JPH2: variants seen among roughly 807,000 people sequenced by gnomAD.
The protein encoded by JPH2 is junctophilin 2.
A neutral mutation model predicts 55.9 loss-of-function variants in JPH2; 38 were observed. The ratio of observed to expected loss-of-function variants is 0.68; its 90% CI spans 0.52 to 0.89. The LOEUF (loss-of-function observed/expected upper bound fraction) is 0.89, where lower values mean the gene tolerates loss of function less well. JPH2 is among the 40% of genes least tolerant of loss of function. The pLI, the probability that JPH2 is intolerant of heterozygous loss-of-function variation, is 0.00. For synonymous variants in JPH2, 480 were observed against 472.4 expected (o/e 1.02, Z -0.21); for missense variants, 964 against 1,037.6 (o/e 0.93, Z 0.97).
At chr20:44,138,903 C>T (rs1445114730) in intron 2 of JPH2, among the ~76,000 whole-genome samples, 6 of 152,148 alleles carry the variant, frequency 3.9e-5, no homozygotes, top group African/African-American at 7.2e-5. Context: ...CATGTGGACA[C>T]GGCGCGGCTC....
rs752359114 is a variant in JPH2 at position 44,115,866 on chromosome 20, C to T, written c.1809G>A (p.Pro603=). Residue 603 remains proline (P), a synonymous_variant, in exon 4 of 6, where the codon CCG becomes CCA. Transcript: ENST00000372980. ...GGCCTCGGAGCGTGGGGGCCTGCAG[C>T]GGGGCGGTGGCCGGGGACGAGGGCG... ...ESAPSSPATA[P]LQAPTLRGPE... is the part of the protein sequence containing the mutation. 44 of 1,585,434 alleles carry T rather than the reference C, an allele frequency of 2.8e-5. No individual in the cohort carries two copies. The highest frequency in any genetic ancestry group is 4.5e-5 in the East Asian group (2 of 44,400).
chr20:44,159,542 C>A lies in JPH2; in HGVS notation c.1169+76G>T. ...AGCAGAATCAGGCTTGGAGACAGGG[C>A]CTCCTAGGTTGCCCTGCCCCAGGAC... On this transcript the variant is annotated intron_variant, in intron 2 of 5. Coordinates refer to ENST00000372980, the MANE Select transcript of JPH2 (RefSeq NM_020433.5). This position sits in a 1 kb window ranked among gnomAD's most constrained non-coding sequence, Gnocchi z 5.7. 7.0e-7 allele frequency: 1 copy of A among 1,421,894 alleles called. No homozygotes were observed. The highest frequency in any genetic ancestry group is 9.6e-7 in the Non-Finnish European group (1 of 1,041,672). The allele number at this position is 1,421,894 out of a possible 1,614,324, so 88.1% of individuals were successfully genotyped here. A position where few individuals can be genotyped will look rare whatever the true frequency, so the allele number is the denominator to read the frequency against.
In JPH2 at chr20:44,159,807, C is replaced by T. The variant is rs1237033177; in HGVS notation, c.980G>A (p.Gly327Asp). Residue 327 changes from glycine (G) to aspartate (D), a missense_variant, in exon 2 of 6, where the codon GGC (glycine) becomes GAC (aspartate). By Grantham distance (94) the Gly-to-Asp change is moderately conservative (BLOSUM62 -1). Coordinates refer to ENST00000372980, the MANE Select transcript of JPH2 (RefSeq NM_020433.5). The surrounding 1 kb of genome is among the most constrained non-coding windows in gnomAD (Gnocchi z 5.7). ...GTGGCCGTCGGGCAGCGTGGTGCAG[C>T]CATAGCCGTGGCGCAGGTTGTCCAG... ...EWLDNLRHGYGCTTLPDGHRE... is the reference protein window; with the variant it reads ...EWLDNLRHGYDCTTLPDGHRE... 1.2e-6 allele frequency: 2 copies of T among 1,613,334 alleles called. No individual in the cohort carries two copies. The highest frequency in any genetic ancestry group is 1.7e-6 in the Non-Finnish European group (2 of 1,179,894).
At chr20:44,176,318 C>CTTTT (rs58088590) in intron 1 of JPH2, among the ~76,000 whole-genome samples, 11 of 113,652 alleles carry the variant, frequency 9.7e-5, no homozygotes, top group Admixed American at 1.9e-4. Flanking sequence ...TCCTATCTGT[C>CTTTT]TTTTTTTTTT....
chr20:44,147,917 CTT>C lies in JPH2; in HGVS notation c.1169+11699_1169+11700del, dbSNP rs2072503783. On this transcript the variant is annotated intron_variant, in intron 2 of 5. Coordinates refer to ENST00000372980, the MANE Select transcript of JPH2 (RefSeq NM_020433.5). ...GTGGCTCATGCCTGTAATTCCAGCA[CTT>C]TGGGAGGCCGAGGCGGGTGGATCAT... 2.0e-5 allele frequency among the ~76,000 whole-genome samples: 3 copies of C among 152,150 alleles called. No homozygotes were observed. The South Asian group carries it at 6.2e-4, about 32-fold the overall frequency.
Position 44,134,206 on chromosome 20 carries a change from AATAT to A in JPH2, c.1170-15587_1170-15584del, listed in dbSNP as rs1349219741. The stretch of plus-strand genomic sequence containing the variant: ...TATAAATATTTATTATAAATATATA[AATAT>A]ATATTTATTATAAATATATATAAAT... On this transcript the variant is annotated intron_variant, in intron 2 of 5. Coordinates refer to ENST00000372980, the MANE Select transcript of JPH2 (RefSeq NM_020433.5). Among the ~76,000 whole-genome samples the A allele has an allele frequency of 3.4e-3, 62 of 18,470 alleles. 19 individuals carry two copies. Among genetic ancestry groups the A allele is most frequent in the African/African-American group, 0.014 (53 of 3,686 alleles). 12.1% of individuals were successfully genotyped at this position (18,470 alleles called of 152,430 possible). A position where few individuals can be genotyped will look rare whatever the true frequency, so the allele number is the denominator to read the frequency against.
rs1285623082 is a variant in JPH2, at chr20:44,160,811, A to G, written c.380-404T>C. 6.6e-6 allele frequency among the ~76,000 whole-genome samples: 1 copy of G among 152,198 alleles called. No individual in the cohort carries two copies. Among genetic ancestry groups the G allele is most frequent in the Non-Finnish European group, 1.5e-5 (1 of 68,038 alleles). On this transcript the variant is annotated intron_variant, in intron 1 of 5. Coordinates refer to ENST00000372980, the MANE Select transcript of JPH2 (RefSeq NM_020433.5). The surrounding 1 kb of genome is among the most constrained non-coding windows in gnomAD (Gnocchi z 4.9). ...CTATATGAGATCATGAGGTGGGGGCAGGTGGCTCACGCCTGTAATCCCAGC... is the reference window on the plus strand; with the variant it reads ...CTATATGAGATCATGAGGTGGGGGCGGGTGGCTCACGCCTGTAATCCCAGC...
At chr20:44,150,768 G>A (rs2072525368) in intron 2 of JPH2, among the ~76,000 whole-genome samples, 1 of 152,228 alleles carries the variant, frequency 6.6e-6, no homozygotes, top group African/African-American at 2.4e-5. Flanking sequence ...GCTCATGCCT[G>A]TAATCCCAGC....
intron 2 of JPH2, among the ~76,000 whole-genome samples, chr20:44,144,189 A>G (rs1405077680): frequency 6.6e-6 from 1 of 152,160 alleles, no homozygotes; most frequent in South Asian, 2.1e-4. Flanking sequence ...ACTGGTATGG[A>G]CTTAGGAAGT....
intron 1 of JPH2, among the ~76,000 whole-genome samples, chr20:44,178,418 C>T (rs1050296988): frequency 6.6e-6 from 1 of 152,118 alleles, no homozygotes; most frequent in African/African-American, 2.4e-5. Flanking sequence ...TTCTCTAAAA[C>T]ATTGCTGCGT....
At chr20:44,181,620 A>C (rs1049857275) in intron 1 of JPH2, among the ~76,000 whole-genome samples, 12 of 152,214 alleles carry the variant, frequency 7.9e-5, no homozygotes, top group African/African-American at 2.9e-4. Flanking sequence ...TTTGAGGATA[A>C]AATGCAAGTT....
In JPH2 at chr20:44,146,117, T is replaced by C. The variant is rs891435721; in HGVS notation, c.1169+13501A>G. Reference sequence around the variant, plus strand: ...GGTGCCATCTCGGCTCACTGCAAGCTCCGCCTCCCGGGTTCACGCCATTCT... The same window carrying C: ...GGTGCCATCTCGGCTCACTGCAAGCCCCGCCTCCCGGGTTCACGCCATTCT... On this transcript the variant is annotated intron_variant, in intron 2 of 5. Transcript: ENST00000372980. Among the ~76,000 whole-genome samples, 3 of 151,276 alleles carry C rather than the reference T, an allele frequency of 2.0e-5. No homozygotes were observed. The South Asian group carries it at 6.3e-4, about 32-fold the overall frequency.
At chr20:44,179,465 A>G (rs1419490811) in intron 1 of JPH2, among the ~76,000 whole-genome samples, 1 of 152,224 alleles carries the variant, frequency 6.6e-6, no homozygotes, top group Non-Finnish European at 1.5e-5. Flanking sequence ...TACAGTGCCC[A>G]TAAGACTTTT....
intron 1 of JPH2, among the ~76,000 whole-genome samples, chr20:44,164,707 C>T (rs2072642470): frequency 6.7e-6 from 1 of 148,494 alleles, no homozygotes; most frequent in Non-Finnish European, 1.5e-5. Context: ...AACAAACAAA[C>T]AAACAAACAA....
At chr20:44,179,795 A>C (rs2072765415) in intron 1 of JPH2, among the ~76,000 whole-genome samples, 1 of 152,234 alleles carries the variant, frequency 6.6e-6, no homozygotes, top group Admixed American at 6.5e-5. Context: ...TATTATTATC[A>C]AATTGCATCT....
rs2072598641 is a variant in JPH2 at position 44,160,135 on chromosome 20, C to G, written c.652G>C (p.Gly218Arg). 1 of 1,450,288 alleles carries G rather than the reference C, an allele frequency of 6.9e-7. No individual in the cohort carries two copies. The highest frequency in any genetic ancestry group is 9.0e-7 in the Non-Finnish European group (1 of 1,110,992). 89.8% of individuals were successfully genotyped at this position (1,450,288 alleles called of 1,614,324 possible). The change falls in exon 2 of 6, where the codon GGC (glycine) becomes CGC (arginine). Residue 218 changes from glycine to arginine, a missense_variant. Transcript: ENST00000372980. The surrounding 1 kb of genome is among the most constrained non-coding windows in gnomAD (Gnocchi z 4.9). ...AEAAARAPKG[G>R]GLFQRGALLG... The stretch of plus-strand genomic sequence containing the variant: ...AGCGCGCCCCGCTGGAAGAGGCCGC[C>G]GCCCTTGGGCGCCCGCGCGGCCGCC...
At chr20:44,176,818 A>G (rs2072737511) in intron 1 of JPH2, 7 of 960,130 alleles carry the variant, frequency 7.3e-6, no homozygotes, top group Non-Finnish European at 6.2e-6. Context: ...AAAAAAAGGT[A>G]TCCATAAAGG....
intron 1 of JPH2, among the ~76,000 whole-genome samples, chr20:44,162,745 CATATATATATATATATATATATATAT>C (rs1157323951): frequency 4.0e-4 from 21 of 52,470 alleles, no homozygotes; most frequent in African/African-American, 1.0e-3. Flanking sequence ...AATAAACTTC[CATATATATATATATATATATATATAT>C]ATATATATAT....
chr20:44,114,565 A>AGTGTGTGTGT (rs3037626), intron 5 of JPH2, among the ~76,000 whole-genome samples: 4 of 142,004 alleles, frequency 2.8e-5, no homozygotes, highest in African/African-American at 2.6e-5. Flanking sequence ...TAATGAAGTA[A>AGTGTGTGTGT]GTGTGTGTGT....
Sources: allele counts gnomAD v4.1 joint callset (sites outside exome capture counted in the v4.1 genomes callset), GRCh38; gene constraint gnomAD v4.1.1; non-coding constraint Gnocchi (gnomAD v3.1); transcripts MANE v1.5; gene names NCBI Gene and HGNC (gene_info 2026-07-23, HGNC 2026-07-21).